The following PRKG1 variants were observed in gnomAD, a reference collection of about 807,000 sequenced individuals.
PRKG1 encodes the protein protein kinase cGMP-dependent 1.
In PRKG1, 35 loss-of-function variants were observed where a neutral mutation model predicts 88.1. The ratio of observed to expected loss-of-function variants is 0.40; its 90% CI spans 0.30 to 0.53. The LOEUF (loss-of-function observed/expected upper bound fraction) is 0.53. PRKG1 is among the 20% of genes least tolerant of loss of function. The pLI, the probability that PRKG1 is intolerant of heterozygous loss-of-function variation, is 0.59. For missense variants in PRKG1, 540 were observed against 839.8 expected, an observed-to-expected ratio of 0.64 and a Z score of 4.41; for synonymous variants, 303 against 292.5, an observed-to-expected ratio of 1.04 and a Z score of -0.37.
intron 3 of PRKG1, among the ~76,000 whole-genome samples, chr10:51,478,744 G>GA (rs35148190): frequency 0.29 from 43,682 of 149,146 alleles, 6,797 homozygotes; most frequent in African/African-American, 0.39. Flanking sequence ...GTGAGATACT[G>GA]AAAAAAAAAA....
intron 5 of PRKG1, among the ~76,000 whole-genome samples, chr10:51,963,977 A>G (rs1843509240): frequency 6.6e-6 from 1 of 152,334 alleles, no homozygotes; most frequent in African/African-American, 2.4e-5. Flanking sequence ...AACGAATCTA[A>G]CAGATTAAAA....
At chr10:51,196,686 C>G (rs1267672170) in intron 2 of PRKG1, among the ~76,000 whole-genome samples, 1 of 152,098 alleles carries the variant, frequency 6.6e-6, no homozygotes, top group Non-Finnish European at 1.5e-5. Flanking sequence ...TGAAATTCAG[C>G]AGAAAGTTTA....
At chr10:51,953,058 CT>C (rs1428788160) in intron 5 of PRKG1, among the ~76,000 whole-genome samples, 1 of 152,082 alleles carries the variant, frequency 6.6e-6, no homozygotes, top group Non-Finnish European at 1.5e-5. Context: ...ATTTCTTTAG[CT>C]TTTTCTGTCT....
chr10:52,204,100 A>AC (rs373519068), intron 9 of PRKG1, among the ~76,000 whole-genome samples: 74,807 of 127,354 alleles, frequency 0.59, 19,317 homozygotes, highest in East Asian at 0.69. Context: ...TATTATTATT[A>AC]TTATTATTTT....
At chr10:52,287,750 G>A (rs1283033804) in intron 14 of PRKG1, among the ~76,000 whole-genome samples, 1 of 151,594 alleles carries the variant, frequency 6.6e-6, no homozygotes, top group Non-Finnish European at 1.5e-5. Context: ...GAGGGCTGGG[G>A]TATTACATCC....
rs1012025143 is a variant in PRKG1 at position 50,991,274 on chromosome 10, C to A, written c.-105C>A. Reference sequence around the variant, plus strand: ...CTCGAGTACTTAGCGCCCATTCACTCGCTCACCCGCGCTCTCCGCTGCCGG... The same window carrying A: ...CTCGAGTACTTAGCGCCCATTCACTAGCTCACCCGCGCTCTCCGCTGCCGG... On this transcript the variant is annotated 5_prime_UTR_variant, in exon 1 of 18. Coordinates refer to the PRKG1 transcript ENST00000401604. This position sits in a 1 kb window ranked among gnomAD's most constrained non-coding sequence, Gnocchi z 4.5. 7.0e-7 allele frequency: 1 copy of A among 1,431,548 alleles called. No homozygotes were observed. The highest frequency in any genetic ancestry group is 9.2e-7 in the Non-Finnish European group (1 of 1,089,364). 88.7% of individuals were successfully genotyped at this position (1,431,548 alleles called of 1,614,324 possible). A position where few individuals can be genotyped will look rare whatever the true frequency, so the allele number is the denominator to read the frequency against.
chr10:51,623,938 C>T (rs1427368641), intron 3 of PRKG1, among the ~76,000 whole-genome samples: 3 of 152,018 alleles, frequency 2.0e-5, no homozygotes, highest in East Asian at 1.9e-4. Flanking sequence ...CTATTTTTCT[C>T]TCTAAAAAAT....
At chr10:51,746,892 C>A (rs1049220955) in intron 3 of PRKG1, among the ~76,000 whole-genome samples, 2 of 152,146 alleles carry the variant, frequency 1.3e-5, no homozygotes, top group Non-Finnish European at 2.9e-5. Flanking sequence ...ATATTATTTT[C>A]CAAGTATGCC....
intron 2 of PRKG1, among the ~76,000 whole-genome samples, chr10:51,260,257 A>G (rs1312427066): frequency 1.3e-5 from 2 of 152,192 alleles, no homozygotes; most frequent in Non-Finnish European, 1.5e-5. Context: ...CATTTATTAA[A>G]TTGCTATTCT....
chr10:51,626,046 A>G (rs1839328930), intron 3 of PRKG1, among the ~76,000 whole-genome samples: 1 of 152,198 alleles, frequency 6.6e-6, no homozygotes, highest in African/African-American at 2.4e-5. Context: ...TGCTGAAGTC[A>G]ATTACTATTT....
intron 2 of PRKG1, among the ~76,000 whole-genome samples, chr10:51,195,922 T>C (rs1837752207): frequency 6.6e-6 from 1 of 152,214 alleles, no homozygotes; most frequent in Admixed American, 6.5e-5. Flanking sequence ...TGTTTGTGGA[T>C]GACTTTATGT....
intron 2 of PRKG1, among the ~76,000 whole-genome samples, chr10:51,158,639 C>T (rs1846277804): frequency 1.3e-5 from 2 of 151,970 alleles, no homozygotes; most frequent in African/African-American, 2.4e-5. Context: ...ATCCATTCCT[C>T]TTCTCTTATT....
intron 2 of PRKG1, among the ~76,000 whole-genome samples, chr10:51,370,381 TGA>T (rs1842676969): frequency 6.6e-6 from 1 of 151,996 alleles, no homozygotes; most frequent in Admixed American, 6.6e-5. Flanking sequence ...CCTAGCGGGA[TGA>T]GAGTCCTGAG....
intron 1 of PRKG1, among the ~76,000 whole-genome samples, chr10:51,107,656 T>G (rs1844871663): frequency 6.6e-6 from 1 of 151,386 alleles, no homozygotes; most frequent in African/African-American, 2.4e-5. Flanking sequence ...AGACCCCATA[T>G]CTACAAAAAA....
chr10:51,586,057 A>G (rs1015473068), intron 3 of PRKG1, among the ~76,000 whole-genome samples: 1 of 152,132 alleles, frequency 6.6e-6, no homozygotes. Context: ...AGGATCAATG[A>G]TACCCCAAGC....
chr10:52,162,140 T>A (rs146702108), intron 9 of PRKG1, among the ~76,000 whole-genome samples, 177 bp downstream of exon 9: 18 of 152,238 alleles, frequency 1.2e-4, no homozygotes, highest in Non-Finnish European at 1.8e-4. Context: ...CCTAGGAGTA[T>A]GTCTCTCTTC....
intron 4 of PRKG1, among the ~76,000 whole-genome samples, chr10:51,890,005 G>T (rs1043584280): frequency 4.6e-5 from 7 of 152,174 alleles, no homozygotes; most frequent in Non-Finnish European, 1.0e-4. Context: ...CCATTCTTTA[G>T]GTTGCCTGTT....
intron 2 of PRKG1, among the ~76,000 whole-genome samples, chr10:51,393,061 G>A (rs548551471): frequency 7.4e-4 from 98 of 132,770 alleles, no homozygotes; most frequent in South Asian, 9.8e-4. Flanking sequence ...CACTTCTCAG[G>A]CGGGGCGGCT....
intron 2 of PRKG1, among the ~76,000 whole-genome samples, chr10:51,388,369 C>A (rs985311000): frequency 6.6e-6 from 1 of 152,126 alleles, no homozygotes; most frequent in East Asian, 1.9e-4. Flanking sequence ...ATGCAAACCC[C>A]CTGAATTTAA....
Sources: gnomAD v4.1 joint callset for allele counts (sites outside exome capture counted in the v4.1 genomes callset) on GRCh38, gnomAD v4.1.1 for gene constraint, Gnocchi (gnomAD v3.1) non-coding constraint, MANE v1.5 for transcripts, NCBI Gene and HGNC (gene_info 2026-07-23, HGNC 2026-07-21) for gene names.